CDC25C: variants seen among roughly 807,000 people sequenced by gnomAD.
The protein encoded by CDC25C is cell division cycle 25C.
CDC25C carries 48 observed loss-of-function variants against 52.5 expected under a neutral mutation model. The ratio of observed to expected loss-of-function variants is 0.91; its 90% CI spans 0.72 to 1.16. CDC25C has a LOEUF of 1.16. Among genes scored for constraint, CDC25C ranks in the 50% most tolerant of loss-of-function variants. The probability of loss-of-function intolerance (pLI) is 0.00; values close to 1 mark genes in which losing one functional copy is unlikely to be tolerated. For missense variants in CDC25C, 510 were observed against 566.1 expected (o/e 0.90, Z 1.01); for synonymous variants, 187 against 206.5 (o/e 0.91, Z 0.81).
At position 138,330,982 on chromosome 5, in the gene CDC25C, T is replaced by C; in HGVS notation, c.194+5A>G. On this transcript the variant is annotated splice_donor_5th_base_variant and intron_variant, in intron 2 of 13. Coordinates refer to ENST00000323760, the MANE Select transcript of CDC25C (RefSeq NM_001790.5). Reference sequence around the variant, plus strand: ...AATACAGTGTAAAAATAAAAGTATATTTACCCAGACAAAATGCTTAGGTTT... The same window carrying C: ...AATACAGTGTAAAAATAAAAGTATACTTACCCAGACAAAATGCTTAGGTTT... 6.3e-7 allele frequency: 1 copy of C among 1,591,320 alleles called. No individual in the cohort carries two copies. Among genetic ancestry groups the C allele is most frequent in the Non-Finnish European group, 8.6e-7 (1 of 1,159,446 alleles).
At chr5:138,296,045 C>A (rs755142563) in intron 7 of CDC25C, among the ~76,000 whole-genome samples, 10 of 152,108 alleles carry the variant, frequency 6.6e-5, no homozygotes, top group Non-Finnish European at 7.4e-5. Context: ...TACACATAAG[C>A]CAGCCCGGCT....
intron 7 of CDC25C, among the ~76,000 whole-genome samples, chr5:138,298,882 A>C (rs929078814): frequency 2.6e-5 from 4 of 152,076 alleles, no homozygotes; most frequent in African/African-American, 9.7e-5. Context: ...AAAAATCTGG[A>C]AAATTAGCAA....
chr5:138,332,013 GC>G, upstream of CDC25C: 1 of 634,586 alleles, frequency 1.6e-6, no homozygotes, highest in Non-Finnish European at 2.0e-6. Flanking sequence ...ATAGTGTTTG[GC>G]CCACCAGCGT....
intron 8 of CDC25C, among the ~76,000 whole-genome samples, chr5:138,291,125 T>A (rs1348423146): frequency 1.3e-5 from 2 of 152,034 alleles, no homozygotes; most frequent in Non-Finnish European, 2.9e-5. Context: ...ATTTTAATTT[T>A]TTATTTTATT....
chr5:138,338,289 GGGAGCT>G, exon 1 of CDC25C: 1 of 752,058 alleles, frequency 1.3e-6, no homozygotes, highest in Non-Finnish European at 2.0e-6. Flanking sequence ...CCGCGGCCCT[GGGAGCT>G]GGAGGAACCG....
rs1267914591 is a variant in CDC25C at position 138,329,389 on chromosome 5, A to C, written c.289+164T>G. Among the ~76,000 whole-genome samples, 10 of 152,146 alleles carry C rather than the reference A, an allele frequency of 6.6e-5. No homozygotes were observed. In the South Asian group the frequency reaches 2.1e-3, roughly 32 times the overall value. On this transcript the variant is annotated intron_variant, in intron 3 of 13. Coordinates refer to ENST00000323760, the MANE Select transcript of CDC25C (RefSeq NM_001790.5). ...TTAGTGTTATTATCTTTCTCTTCCC[A>C]TTGGCTTAATCATTCTCAAAAATCC... is the stretch of plus-strand genomic sequence containing the variant.
intron 3 of CDC25C, among the ~76,000 whole-genome samples, chr5:138,329,106 T>C (rs773614260): frequency 6.6e-6 from 1 of 152,134 alleles, no homozygotes; most frequent in Non-Finnish European, 1.5e-5. Context: ...GGTTTCACCA[T>C]GTTGGCCAGG....
chr5:138,300,319 G>A lies in CDC25C; in HGVS notation c.616-8203C>T, dbSNP rs181679389. Among the ~76,000 whole-genome samples, 281 of 152,194 alleles carry A rather than the reference G, an allele frequency of 1.8e-3. 3 individuals carry two copies. Among genetic ancestry groups the A allele is most frequent in the Middle Eastern group, 3.4e-3 (1 of 294 alleles). On this transcript the variant is annotated intron_variant, in intron 7 of 13. Coordinates refer to ENST00000323760, the MANE Select transcript of CDC25C (RefSeq NM_001790.5). ...ACCATATGATTACTCATCTCTGCAC[G>A]TTGTGAGGCTAAGACGGGTGGGTTG...
intron 7 of CDC25C, among the ~76,000 whole-genome samples, chr5:138,315,991 C>T (rs1758838506): frequency 6.6e-6 from 1 of 152,346 alleles, no homozygotes; most frequent in East Asian, 1.9e-4. Flanking sequence ...TAACCTGGGC[C>T]TCCTGTTCCA....
intron 9 of CDC25C, among the ~76,000 whole-genome samples, chr5:138,289,799 T>A (rs551364171): frequency 6.6e-6 from 1 of 150,488 alleles, no homozygotes; most frequent in East Asian, 1.9e-4. Flanking sequence ...TTCATCTTGG[T>A]ATCATTCATA....
upstream of CDC25C, among the ~76,000 whole-genome samples, chr5:138,333,039 C>T (rs1760506288): frequency 6.6e-6 from 1 of 152,128 alleles, no homozygotes; most frequent in African/African-American, 2.4e-5. Context: ...TTCGGGATGT[C>T]TGGGTTGCGG....
chr5:138,326,942 A>C (rs1395300842), intron 4 of CDC25C, among the ~76,000 whole-genome samples: 1 of 130,374 alleles, frequency 7.7e-6, no homozygotes, highest in South Asian at 2.5e-4. Flanking sequence ...ACAAGAGCAA[A>C]ACTCCGTCTC....
intron 2 of CDC25C, among the ~76,000 whole-genome samples, chr5:138,330,156 G>T (rs1037214209): frequency 2.0e-5 from 3 of 151,826 alleles, no homozygotes; most frequent in Non-Finnish European, 4.4e-5. Context: ...ACCATAATCT[G>T]TACTTTATTT....
intron 10 of CDC25C, among the ~76,000 whole-genome samples, chr5:138,288,533 C>T (rs933731915): frequency 6.6e-6 from 1 of 152,002 alleles, no homozygotes; most frequent in Non-Finnish European, 1.5e-5. Context: ...CCCGTCTCTA[C>T]TAAAAATACA....
At chr5:138,322,903 G>A (rs1759552966) in intron 6 of CDC25C, among the ~76,000 whole-genome samples, 1 of 151,870 alleles carries the variant, frequency 6.6e-6, no homozygotes, top group African/African-American at 2.4e-5. Flanking sequence ...TTACAGGTGT[G>A]AGCCACTGCA....
chr5:138,305,184 T>A (rs917933584), intron 7 of CDC25C, among the ~76,000 whole-genome samples: 1 of 152,184 alleles, frequency 6.6e-6, no homozygotes, highest in Non-Finnish European at 1.5e-5. Context: ...TACCAGCTTG[T>A]CCGGGACTTT....
chr5:138,321,817 G>A (rs1030337124), intron 6 of CDC25C, among the ~76,000 whole-genome samples: 4 of 134,710 alleles, frequency 3.0e-5, no homozygotes, highest in Non-Finnish European at 4.7e-5. Flanking sequence ...GATAGAATAT[G>A]TTAAAATAGC....
chr5:138,327,186 C>T (rs924662193), intron 4 of CDC25C, among the ~76,000 whole-genome samples: 2 of 149,424 alleles, frequency 1.3e-5, no homozygotes, highest in Non-Finnish European at 3.0e-5. Context: ...ACCCGGGAGG[C>T]GGAGGTTGTA....
chr5:138,292,223 G>T, intron 7 of CDC25C, 107 bp from the exon 8 acceptor site: 3 of 814,712 alleles, frequency 3.7e-6, no homozygotes, highest in Non-Finnish European at 5.8e-6. Flanking sequence ...GTTTCCAGAT[G>T]TTAGGCCACA....
Sources: allele counts gnomAD v4.1 joint callset (sites outside exome capture counted in the v4.1 genomes callset), GRCh38; gene constraint gnomAD v4.1.1; transcripts MANE v1.5; gene names NCBI Gene and HGNC (gene_info 2026-07-23, HGNC 2026-07-21).